Variants in MUC4 observed in about 807,000 individuals in gnomAD.
MUC4 encodes mucin-4.
A neutral mutation model predicts 257.9 loss-of-function variants in MUC4; 202 were observed. The observed-to-expected ratio is 0.78, with a 90% CI of 0.70 to 0.88. The LOEUF (loss-of-function observed/expected upper bound fraction) is 0.88, where lower values mean the gene tolerates loss of function less well. Ranked by LOEUF, MUC4 falls within the 40% of genes least tolerant of loss-of-function variation. The pLI is 0.00. For synonymous variants in MUC4, 2,351 were observed against 2,757.1 expected, an observed-to-expected ratio of 0.85 and a Z score of 4.62; for missense variants, 5,976 against 6,513.7, an observed-to-expected ratio of 0.92 and a Z score of 2.84.
intron 18 of MUC4, among the ~76,000 whole-genome samples, chr3:195,754,771 CATGT>C (rs763623626): frequency 1.2e-4 from 19 of 152,038 alleles, no homozygotes; most frequent in East Asian, 3.9e-4. Flanking sequence ...TGTATGTATC[CATGT>C]ATGTATGTGT....
intron 1 of MUC4, among the ~76,000 whole-genome samples, chr3:195,793,336 GA>G (rs1005590895): frequency 2.0e-5 from 3 of 149,530 alleles, no homozygotes; most frequent in African/African-American, 4.9e-5. Flanking sequence ...GTCTCTACTA[GA>G]AAAAAAAATA....
chr3:195,792,769 G>A (rs1409853504), intron 1 of MUC4, among the ~76,000 whole-genome samples: 4 of 152,156 alleles, frequency 2.6e-5, no homozygotes, highest in Non-Finnish European at 5.9e-5. Context: ...AAGAAAATGT[G>A]GTACATATGC....
intron 1 of MUC4, among the ~76,000 whole-genome samples, chr3:195,793,507 A>T (rs978493207): frequency 1.4e-5 from 2 of 138,590 alleles, no homozygotes; most frequent in Non-Finnish European, 3.2e-5. Context: ...GTCTCAAAAA[A>T]AAAATAAATA....
chr3:195,779,875 G>T lies in MUC4; in HGVS notation c.11705C>A (p.Ala3902Asp). Residue 3902 changes from alanine to aspartate, a missense_variant, in exon 2 of 25, where the codon GCC (alanine) becomes GAC (aspartate). Around this residue, in one of 44 missense-constraint regions of MUC4, gnomAD observed 330 missense variants for 262.0 expected, o/e 1.26. Coordinates refer to ENST00000463781, the MANE Select transcript of MUC4 (RefSeq NM_018406.7). The part of the protein sequence containing the change: ...TDTSSASTRH[A>D]TPLPVTDTSS... ...AGTGTCGGTGACAGGAAGAGGGGTG[G>T]CGTGACGTGTGGATGCTGAGGAAGT... 7.0e-6 allele frequency: 3 copies of T among 426,532 alleles called. 1 individual carries two copies. Among genetic ancestry groups the T allele is most frequent in the East Asian group, 2.8e-4 (2 of 7,018 alleles). 26.4% of individuals were successfully genotyped at this position (426,532 alleles called of 1,614,324 possible). A position where few individuals can be genotyped will look rare whatever the true frequency, so the allele number is the denominator to read the frequency against.
intron 1 of MUC4, among the ~76,000 whole-genome samples, chr3:195,796,363 A>G (rs1734581992): frequency 1.3e-5 from 2 of 152,124 alleles, no homozygotes; most frequent in African/African-American, 2.4e-5. Context: ...GATTACAGGC[A>G]TGAGCCACCT....
At chr3:195,767,594 CCACCAT>C (rs1721204772) in intron 7 of MUC4, among the ~76,000 whole-genome samples, 5 of 111,680 alleles carry the variant, frequency 4.5e-5, no homozygotes, top group African/African-American at 8.2e-5. Flanking sequence ...ATCACCACCA[CCACCAT>C]CATCACCATT....
chr3:195,778,699 G>C lies in MUC4; in HGVS notation c.12790+91C>G, dbSNP rs915854745. ...ACCTGACACGGCCCCACCAGGTAATGCGAATGCACCAGTGTTCTCAGGTAC... is the reference window on the plus strand; with the variant it reads ...ACCTGACACGGCCCCACCAGGTAATCCGAATGCACCAGTGTTCTCAGGTAC... On this transcript the variant is annotated intron_variant, in intron 2 of 24. Coordinates refer to ENST00000463781, the MANE Select transcript of MUC4 (RefSeq NM_018406.7). 12 of 1,409,560 alleles carry C rather than the reference G, an allele frequency of 8.5e-6. No homozygotes were observed. The East Asian group carries it at 2.7e-4, about 32-fold the overall frequency. The allele number at this position is 1,409,560 out of a possible 1,614,324, so 87.3% of individuals were successfully genotyped here.
At chr3:195,747,506 T>C in intron 24 of MUC4, 126 bp from the exon 25 acceptor site, 1 of 1,152,912 alleles carries the variant, frequency 8.7e-7, no homozygotes, top group Non-Finnish European at 1.2e-6. Flanking sequence ...CCGGAGAGAC[T>C]GAGTCAGCCC....
intron 7 of MUC4, among the ~76,000 whole-genome samples, chr3:195,767,913 T>TGCCACCACCATCACCAC (rs1560266554): frequency 1.8e-5 from 2 of 110,284 alleles, no homozygotes; most frequent in African/African-American, 3.9e-5. Context: ...ACCATCACCA[T>TGCCACCACCATCACCAC]CGCCACTGCC....
intron 23 of MUC4, 54 bp from the exon 24 acceptor site, chr3:195,749,118 G>C (rs7621695): frequency 6.4e-7 from 1 of 1,574,472 alleles, no homozygotes; most frequent in South Asian, 1.2e-5. Flanking sequence ...CACTAAATCA[G>C]TACCTTTTCA....
chr3:195,797,938 T>A (rs1043682245), intron 1 of MUC4, among the ~76,000 whole-genome samples: 1 of 151,924 alleles, frequency 6.6e-6, no homozygotes, highest in Non-Finnish European at 1.5e-5. Flanking sequence ...AGATCCTGTC[T>A]CTACAGAAAT....
chr3:195,790,813 G>A lies in MUC4; in HGVS notation c.767C>T (p.Thr256Ile), dbSNP rs1435776521. 1.2e-6 allele frequency: 2 copies of A among 1,613,966 alleles called. No homozygotes were observed. The highest frequency in any genetic ancestry group is 8.5e-7 in the Non-Finnish European group (1 of 1,179,886). The part of the protein sequence containing the change: ...ATSSLCSVTN[T>I]SMMTSEKITV... ...TATCTTCTCTGATGTCATCATGGAT[G>A]TGTTTGTGACACTACAGAGGGATGA... Residue 256 changes from threonine (T) to isoleucine (I), a missense_variant, in exon 2 of 25, where the codon ACA becomes ATA. Around this residue, in one of 44 missense-constraint regions of MUC4, gnomAD observed 1,583 missense variants for 1,257.4 expected, o/e 1.26. Coordinates refer to ENST00000463781, the MANE Select transcript of MUC4 (RefSeq NM_018406.7).
chr3:195,780,236 C>G lies in MUC4; in HGVS notation c.11344G>C (p.Ala3782Pro), dbSNP rs879912912. Residue 3782 changes from alanine (A) to proline (P), a missense_variant, in exon 2 of 25, where the codon GCT becomes CCT. Transcript: ENST00000463781. ...GHATPLPVTDASSASTGDTTP... is the reference protein window; with the variant it reads ...GHATPLPVTDPSSASTGDTTP... ...GTGTCACCTGTGGATGCTGAGGAAG[C>G]GTCGGTGACAGGAAGAGGCGTGGCG... 2.4e-3 allele frequency: 2,787 copies of G among 1,166,408 alleles called. No homozygotes were observed. The highest frequency in any genetic ancestry group is 3.8e-3 in the East Asian group (108 of 28,368). 72.3% of individuals were successfully genotyped at this position (1,166,408 alleles called of 1,614,324 possible).
intron 1 of MUC4, among the ~76,000 whole-genome samples, chr3:195,806,935 T>TG (rs1402151920): frequency 6.6e-6 from 1 of 152,216 alleles, no homozygotes; most frequent in Non-Finnish European, 1.5e-5. Context: ...CAAAATCCAC[T>TG]GGCCACTGGA....
chr3:195,763,583 A>G lies in MUC4; in HGVS notation c.14103T>C (p.Asn4701=). Residue 4701 remains asparagine (N), a synonymous_variant, in exon 12 of 25, where the codon AAT becomes AAC. Transcript: ENST00000463781. The part of the protein sequence containing the change: ...TTLDGVSYTF[N]GLGDFLLVGA... Reference sequence around the variant, plus strand: ...CGACCAGCAGGAAGTCCCCCAGCCCATTGAAGGTGTAACTGACACCATCCA... The same window carrying G: ...CGACCAGCAGGAAGTCCCCCAGCCCGTTGAAGGTGTAACTGACACCATCCA... 2 of 1,595,044 alleles carry G rather than the reference A, an allele frequency of 1.3e-6. No homozygotes were observed. Among genetic ancestry groups the G allele is most frequent in the East Asian group, 4.6e-5 (2 of 43,762 alleles).
intron 1 of MUC4, among the ~76,000 whole-genome samples, chr3:195,808,976 C>A (rs1023505773): frequency 4.6e-5 from 7 of 152,316 alleles, no homozygotes; most frequent in Non-Finnish European, 8.8e-5. Context: ...GCCTGCCCTG[C>A]ACTTGCTCCA....
Position 195,778,931 on chromosome 3 carries a change from C to T in MUC4, c.12649G>A (p.Ala4217Thr), listed in dbSNP as rs1317984827. ...AGAGGGGTGGCGTGACCTGTGGATG[C>T]TGAGGAAGTGTCGGTGACAGGAAGA... ...TPLPVTDTSS[A>T]STGHATPLPV... Residue 4217 changes from alanine to threonine, a missense_variant, in exon 2 of 25, where the codon GCA becomes ACA. Around this residue, in one of 44 missense-constraint regions of MUC4, gnomAD observed 22 missense variants for 64.1 expected, o/e 0.34. Coordinates refer to ENST00000463781, the MANE Select transcript of MUC4 (RefSeq NM_018406.7). 6.6e-7 allele frequency: 1 copy of T among 1,512,616 alleles called. No individual in the cohort carries two copies. The highest frequency in any genetic ancestry group is 8.9e-7 in the Non-Finnish European group (1 of 1,126,550). The allele number at this position is 1,512,616 out of a possible 1,614,324, so 93.7% of individuals were successfully genotyped here. A position where few individuals can be genotyped will look rare whatever the true frequency, so the allele number is the denominator to read the frequency against.
intron 3 of MUC4, among the ~76,000 whole-genome samples, chr3:195,775,195 A>G (rs1479989773): frequency 6.6e-6 from 1 of 152,022 alleles, no homozygotes; most frequent in Non-Finnish European, 1.5e-5. Context: ...TCCAGGCACC[A>G]CTTGTTAAAT....
At chr3:195,765,544 C>T (rs1720269777) in intron 8 of MUC4, 95 bp from the exon 9 acceptor site, 2 of 1,243,258 alleles carry the variant, frequency 1.6e-6, no homozygotes, top group Non-Finnish European at 2.2e-6. Flanking sequence ...CAAATGCACC[C>T]CCTCCTGCCA....
Sources: allele counts gnomAD v4.1 joint callset (sites outside exome capture counted in the v4.1 genomes callset), GRCh38; gene constraint gnomAD v4.1.1; regional missense constraint gnomAD v4.1.1; transcripts MANE v1.5; gene names NCBI Gene and HGNC (gene_info 2026-07-23, HGNC 2026-07-21).